Variants in DUS3L observed in about 807,000 individuals in gnomAD.
The protein encoded by DUS3L is tRNA-dihydrouridine(47) synthase [NAD(P)(+)]-like.
DUS3L carries 62 observed loss-of-function variants against 74.6 expected under a neutral mutation model. That is an observed-to-expected ratio of 0.83 (90% CI 0.68 to 1.03). The LOEUF (loss-of-function observed/expected upper bound fraction) is 1.03. DUS3L is among the 50% of genes least tolerant of loss of function. The probability of loss-of-function intolerance (pLI) is 0.00; values close to 1 mark genes in which losing one functional copy is unlikely to be tolerated. For missense variants in DUS3L, 884 were observed against 924.4 expected (o/e 0.96, Z 0.57); for synonymous variants, 433 against 395.7 (o/e 1.09, Z -1.12).
At position 5,785,441 on chromosome 19, in the gene DUS3L, G is replaced by A. The variant is rs373588150; in HGVS notation, c.1822C>T (p.Arg608Cys). Residue 608 changes from arginine (R) to cysteine (C), a missense_variant, in exon 12 of 13, where the codon CGC becomes TGC. Physicochemically the swap from Arg to Cys is radical, Grantham distance 180. Coordinates refer to ENST00000309061, the MANE Select transcript of DUS3L (RefSeq NM_020175.3). ...INERPPYYLGRDYLETLMASQ... is the reference protein window; with the variant it reads ...INERPPYYLGCDYLETLMASQ... ...GCCATCAGCGTCTCCAGGTAGTCGC[G>A]GCCCAGGTAGTAGGGCGGCCGCTCG... 1.2e-5 allele frequency: 19 copies of A among 1,590,464 alleles called. No individual in the cohort carries two copies. Among genetic ancestry groups the A allele is most frequent in the East Asian group, 1.1e-4 (5 of 44,360 alleles).
chr19:5,789,026 C>G, intron 3 of DUS3L, 181 bp downstream of exon 3: 1 of 800,392 alleles, frequency 1.2e-6, no homozygotes, highest in South Asian at 3.1e-5. Context: ...TCTTTCTGTC[C>G]CCACCTCCTG....
chr19:5,788,217 G>GCACACA (rs113274115), intron 4 of DUS3L, 41 bp from the exon 5 acceptor site: 27 of 1,505,698 alleles, frequency 1.8e-5, no homozygotes, highest in Non-Finnish European at 2.3e-5. Context: ...TCTTGCACGC[G>GCACACA]CACACACACA....
At position 5,790,165 on chromosome 19, in the gene DUS3L, G is replaced by A. The variant is rs2056895879; in HGVS notation, c.269C>T (p.Ala90Val). 1.2e-6 allele frequency: 2 copies of A among 1,614,114 alleles called. No homozygotes were observed. The highest frequency in any genetic ancestry group is 1.7e-6 in the Non-Finnish European group (2 of 1,180,024). Residue 90 changes from alanine (A) to valine (V), a missense_variant, in exon 2 of 13, where the codon GCA (alanine) becomes GTA (valine). Physicochemically the swap from Ala to Val is moderately conservative, Grantham distance 64. Transcript: ENST00000309061. ...GQTADGQTEE[A>V]AEPGEQLQTQ... Reference sequence around the variant, plus strand: ...CTGTAGCTGCTCCCCGGGCTCTGCTGCCTCCTCCGTCTGCCCGTCCGCCGT... The same window carrying A: ...CTGTAGCTGCTCCCCGGGCTCTGCTACCTCCTCCGTCTGCCCGTCCGCCGT...
At position 5,788,007 on chromosome 19, in the gene DUS3L, T is replaced by G; in HGVS notation, c.1095+17A>C. Reference sequence around the variant, plus strand: ...CGAGGGCCCCTCCACTCTCCCTCCCTCGGGGTGGGCACTGACCTGGACGCC... The same window carrying G: ...CGAGGGCCCCTCCACTCTCCCTCCCGCGGGGTGGGCACTGACCTGGACGCC... On this transcript the variant is annotated intron_variant, in intron 5 of 12. Coordinates refer to ENST00000309061, the MANE Select transcript of DUS3L (RefSeq NM_020175.3). The G allele has an allele frequency of 6.2e-7, 1 of 1,610,934 alleles. No homozygotes were observed. The highest frequency in any genetic ancestry group is 1.7e-4 in the Middle Eastern group (1 of 6,000).
Position 5,787,358 on chromosome 19 carries a change from C to G in DUS3L, c.1216G>C (p.Gly406Arg). The change falls in exon 7 of 13, where the codon GGG (glycine) becomes CGG (arginine). Residue 406 changes from glycine (G) to arginine (R), a missense_variant. Gly to Arg is a moderately radical substitution (Grantham distance 125). Coordinates refer to ENST00000309061, the MANE Select transcript of DUS3L (RefSeq NM_020175.3). ...CPIDLVYKKG[G>R]GCALMNRSTK... ...GAGCGATTCATGAGGGCACAGCCCC[C>G]ACCCTGGAAGAGACAGGCGGGTGGA... The G allele has an allele frequency of 1.2e-6, 2 of 1,612,382 alleles. No individual in the cohort carries two copies. Among genetic ancestry groups the G allele is most frequent in the Non-Finnish European group, 1.7e-6 (2 of 1,179,570 alleles).
intron 7 of DUS3L, 60 bp from the exon 8 acceptor site, chr19:5,787,231 G>GATGGCGGGAGGTGGTGGGAA (rs2056861146): frequency 1.9e-6 from 3 of 1,555,694 alleles, no homozygotes; most frequent in Non-Finnish European, 1.8e-6. Context: ...GACGGTGGGA[G>GATGGCGGGAGGTGGTGGGAA]GTGGTGGGAG....
chr19:5,787,956 G>A (rs1231522963), intron 5 of DUS3L, 68 bp downstream of exon 5: 3 of 1,587,756 alleles, frequency 1.9e-6, no homozygotes, highest in Non-Finnish European at 2.6e-6. Context: ...GGGCAGACCT[G>A]GAACCTGGCT....
Position 5,790,711 on chromosome 19 carries a change from A to AC in DUS3L, c.98+332dup, listed in dbSNP as rs148972790. ...AGCACGCCCCGCGGCACTCGCTTCAACCCCAAGACCCGCCAGTAACGGCCG... is the reference window on the plus strand; with the variant it reads ...AGCACGCCCCGCGGCACTCGCTTCAACCCCCAAGACCCGCCAGTAACGGCCG... On this transcript the variant is annotated intron_variant, in intron 1 of 12. Coordinates refer to ENST00000309061, the MANE Select transcript of DUS3L (RefSeq NM_020175.3). The AC allele has an allele frequency of 5.5e-3, 2,962 of 534,112 alleles. 85 individuals carry two copies. Among genetic ancestry groups the AC allele is most frequent in the African/African-American group, 0.052 (2,738 of 52,338 alleles). 33.1% of individuals were successfully genotyped at this position (534,112 alleles called of 1,614,324 possible).
chr19:5,788,030 G>A lies in DUS3L; in HGVS notation c.1089C>T (p.Gly363=), dbSNP rs148007632. Residue 363 remains glycine, a synonymous_variant, in exon 5 of 13, where the codon GGC becomes GGT. Coordinates refer to ENST00000309061, the MANE Select transcript of DUS3L (RefSeq NM_020175.3). ...CCTCGGGGTGGGCACTGACCTGGAC[G>A]CCAAAGATGTCCTCACACTGGTGGC... is the stretch of plus-strand genomic sequence containing the variant. The part of the protein sequence containing the change: ...LKRHQCEDIF[G]VQLEGAFPDT... 459 of 1,612,724 alleles carry A rather than the reference G, an allele frequency of 2.8e-4. No individual in the cohort carries two copies. The highest frequency in any genetic ancestry group is 3.5e-4 in the Non-Finnish European group (415 of 1,179,930).
chr19:5,789,400 C>G lies in DUS3L; in HGVS notation c.707G>C (p.Ser236Thr), dbSNP rs1348850227. The G allele has an allele frequency of 1.4e-5, 23 of 1,592,646 alleles. No homozygotes were observed. The highest frequency in any genetic ancestry group is 2.0e-5 in the Non-Finnish European group (23 of 1,172,934). ...AGCGGCAGCGGGTGTGGGGCCCTGG[C>G]TGAACCGGCGCAGGGCCTGCTCAGC... ...ERAEQALRRF[S>T]QGPTPAAAVP... Residue 236 changes from serine (S) to threonine (T), a missense_variant, in exon 3 of 13, where the codon AGC (serine) becomes ACC (threonine). Ser to Thr is a moderately conservative substitution (Grantham distance 58). Coordinates refer to ENST00000309061, the MANE Select transcript of DUS3L (RefSeq NM_020175.3).
Position 5,789,240 on chromosome 19 carries a change from G to A in DUS3L, c.867C>T (p.Asp289=), listed in dbSNP as rs888161044. Residue 289 remains aspartate (D), a synonymous_variant, in exon 3 of 13, where the codon GAC becomes GAT. Transcript: ENST00000309061. ...TCTCACAGGGCCGCAGCCTGACCAC[G>A]TCCTCATCCGTCAGGGGCCCGCAGG... ...VRTCGPLTDE[D]VVRLRPCEKK... is the part of the protein sequence containing the mutation. 37 of 1,564,108 alleles carry A rather than the reference G, an allele frequency of 2.4e-5. No individual in the cohort carries two copies. The highest frequency in any genetic ancestry group is 3.1e-5 in the Non-Finnish European group (36 of 1,158,468).
Position 5,786,981 on chromosome 19 carries a change from G to A in DUS3L, c.1389+80C>T, listed in dbSNP as rs550525244. The A allele has an allele frequency of 2.5e-4, 365 of 1,487,040 alleles. 1 individual carries two copies. The highest frequency in any genetic ancestry group is 6.9e-4 in the African/African-American group (50 of 72,378). The allele number at this position is 1,487,040 out of a possible 1,614,324, so 92.1% of individuals were successfully genotyped here. A position where few individuals can be genotyped will look rare whatever the true frequency, so the allele number is the denominator to read the frequency against. Reference sequence around the variant, plus strand: ...GGGAGGTGTGGAGGTGAAGAGGGAGGGATGGGAGGAGAGGAGCCATTAGGA... The same window carrying A: ...GGGAGGTGTGGAGGTGAAGAGGGAGAGATGGGAGGAGAGGAGCCATTAGGA... On this transcript the variant is annotated intron_variant, in intron 8 of 12. Transcript: ENST00000309061.
At position 5,788,121 on chromosome 19, in the gene DUS3L, C is replaced by T. The variant is rs1568387241; in HGVS notation, c.998G>A (p.Cys333Tyr). The change falls in exon 5 of 13, where the codon TGT becomes TAT. Residue 333 changes from cysteine to tyrosine, a missense_variant. Cys to Tyr is a radical substitution (Grantham distance 194). Transcript: ENST00000309061. ...GTTGGTGCAGACGGCCATCTCTCCA[C>T]ATGTCACATCCGCCCCGAAGCGCTT... ...ICKRFGADVTCGEMAVCTNLL... is the reference protein window; with the variant it reads ...ICKRFGADVTYGEMAVCTNLL... 1 of 1,613,742 alleles carries T rather than the reference C, an allele frequency of 6.2e-7. No individual in the cohort carries two copies. Among genetic ancestry groups the T allele is most frequent in the African/African-American group, 1.3e-5 (1 of 75,068 alleles).
At chr19:5,785,312 G>A in intron 12 of DUS3L, 37 bp from the exon 13 acceptor site, 1 of 1,609,722 alleles carries the variant, frequency 6.2e-7, no homozygotes, top group Non-Finnish European at 8.5e-7. Flanking sequence ...GTCAGGCCCA[G>A]GACCTGCAAA....
At chr19:5,787,533 G>C in intron 6 of DUS3L, 56 bp downstream of exon 6, 1 of 1,586,498 alleles carries the variant, frequency 6.3e-7, no homozygotes, top group South Asian at 1.1e-5. Flanking sequence ...TCGCCGGCTG[G>C]GTCAGTGCCT....
In DUS3L at chr19:5,789,672, G is replaced by A; in HGVS notation, c.435C>T (p.His145=). Residue 145 remains histidine (H), a synonymous_variant, in exon 3 of 13, where the codon CAC becomes CAT. Transcript: ENST00000309061. ...TGGTCTCCAGGTAGCGCCCCACGTC[G>A]TGCAGAAAGCGGCAGCGATCACCGA... ...CFFGDRCRFL[H]DVGRYLETKP... 1 of 1,609,436 alleles carries A rather than the reference G, an allele frequency of 6.2e-7. No homozygotes were observed. Among genetic ancestry groups the A allele is most frequent in the Non-Finnish European group, 8.5e-7 (1 of 1,178,726 alleles).
At chr19:5,790,804 G>C in intron 1 of DUS3L, 2 of 594,774 alleles carry the variant, frequency 3.4e-6, no homozygotes, top group Admixed American at 6.0e-5. Context: ...GCGCGGGCCT[G>C]GCCTCAAATC....
chr19:5,787,600 C>T lies in DUS3L; in HGVS notation c.1201G>A (p.Val401Met), dbSNP rs1479183501. ...DINVGCPIDL[V>M]YKKGGGCALM... ...TCCAGGGCCGCTACCTTCTTGTACA[C>T]GAGGTCGATGGGGCAGCCGACGTTG... Residue 401 changes from valine (V) to methionine (M), a missense_variant, in exon 6 of 13, where the codon GTG becomes ATG. Physicochemically the swap from Val to Met is conservative, Grantham distance 21 (BLOSUM62 1). Transcript: ENST00000309061. 9 of 1,613,374 alleles carry T rather than the reference C, an allele frequency of 5.6e-6. No homozygotes were observed. The highest frequency in any genetic ancestry group is 4.5e-5 in the East Asian group (2 of 44,890).
Position 5,785,379 on chromosome 19 carries a change from G to A in DUS3L, c.1880+4C>T, listed in dbSNP as rs775102815. 3 of 1,599,500 alleles carry A rather than the reference G, an allele frequency of 1.9e-6. No individual in the cohort carries two copies. In the East Asian group the frequency reaches 6.7e-5, roughly 36 times the overall value. On this transcript the variant is annotated splice_donor_region_variant and intron_variant, in intron 12 of 12. Transcript: ENST00000309061. ...AGCTCCCCAACTCCAGCCCACCCAG[G>A]CACCTGATGCGGATCCAGTCGGCTG...
Sources: gnomAD v4.1 joint callset for allele counts on GRCh38, gnomAD v4.1.1 for gene constraint, MANE v1.5 for transcripts, NCBI Gene and HGNC (gene_info 2026-07-23, HGNC 2026-07-21) for gene names.